The following TMEM132B variants were observed in gnomAD, a reference collection of about 807,000 sequenced individuals.
The protein encoded by TMEM132B is transmembrane protein 132B.
TMEM132B carries 18 observed loss-of-function variants against 90.8 expected under a neutral mutation model. That is an observed-to-expected ratio of 0.20 (90% CI 0.14 to 0.29). TMEM132B has a LOEUF of 0.29. Ranked by LOEUF, TMEM132B falls within the 10% of genes least tolerant of loss-of-function variation. The probability of loss-of-function intolerance (pLI) is 1.00; values close to 1 mark genes in which losing one functional copy is unlikely to be tolerated. For missense variants in TMEM132B, 1,096 were observed against 1,326.8 expected (o/e 0.83, Z 2.70); for synonymous variants, 504 against 523.3 (o/e 0.96, Z 0.50).
chr12:125,524,755 T>A (rs988130192), intron 4 of TMEM132B, among the ~76,000 whole-genome samples: 1 of 152,084 alleles, frequency 6.6e-6, no homozygotes, highest in Non-Finnish European at 1.5e-5. Context: ...TCAGGATGGA[T>A]GATGGTAGGT....
chr12:125,267,581 A>G (rs1485526118), intron 1 of TMEM132B, among the ~76,000 whole-genome samples: 2 of 152,272 alleles, frequency 1.3e-5, no homozygotes, highest in South Asian at 2.1e-4. Context: ...TCACACAGAA[A>G]TGTTTCTCTA....
rs1883622932 is a variant in TMEM132B at position 125,530,718 on chromosome 12, C to T, written c.1293+11093C>T. On this transcript the variant is annotated intron_variant, in intron 4 of 8. Transcript: ENST00000682704. Reference sequence around the variant, plus strand: ...GTGGCCACCTTGCCCTCATCTCTCCCTTTGTCATCACATAAGCTGTGTGTG... The same window carrying T: ...GTGGCCACCTTGCCCTCATCTCTCCTTTTGTCATCACATAAGCTGTGTGTG... Among the ~76,000 whole-genome samples the T allele has an allele frequency of 2.0e-5, 3 of 152,224 alleles. No individual in the cohort carries two copies. The South Asian group carries it at 6.2e-4, about 32-fold the overall frequency.
chr12:125,272,451 C>T (rs1286819487), intron 1 of TMEM132B, among the ~76,000 whole-genome samples: 1 of 152,196 alleles, frequency 6.6e-6, no homozygotes, highest in Non-Finnish European at 1.5e-5. Flanking sequence ...CAGCGATTGG[C>T]AAGAGGCAGG....
At chr12:125,580,520 G>C (rs1451219444) in intron 4 of TMEM132B, among the ~76,000 whole-genome samples, 1 of 152,186 alleles carries the variant, frequency 6.6e-6, no homozygotes, top group Non-Finnish European at 1.5e-5. Context: ...GTGGCTTCTA[G>C]ACTGCTGGTT....
At chr12:125,254,776 C>T (rs771539944) in intron 1 of TMEM132B, among the ~76,000 whole-genome samples, 8 of 151,718 alleles carry the variant, frequency 5.3e-5, no homozygotes, top group African/African-American at 7.3e-5. Flanking sequence ...CTCCGCCTCC[C>T]GAGTCCAAGT....
intron 1 of TMEM132B, among the ~76,000 whole-genome samples, chr12:125,288,164 G>A (rs1224039859): frequency 2.6e-5 from 4 of 151,492 alleles, no homozygotes; most frequent in Non-Finnish European, 4.4e-5. Flanking sequence ...GTGAGCCACT[G>A]CACCCGGCCT....
intron 2 of TMEM132B, among the ~76,000 whole-genome samples, chr12:125,384,147 A>T (rs1878762016): frequency 6.6e-6 from 1 of 152,164 alleles, no homozygotes; most frequent in Non-Finnish European, 1.5e-5. Flanking sequence ...GGGTTTCACC[A>T]TGTTGGTCAG....
At chr12:125,395,610 G>C (rs1367002589) in intron 2 of TMEM132B, among the ~76,000 whole-genome samples, 2 of 152,192 alleles carry the variant, frequency 1.3e-5, no homozygotes, top group African/African-American at 4.8e-5. Context: ...AACTTTGAGA[G>C]GGTTTTATCT....
rs575012967 is a variant in TMEM132B, at chr12:125,515,239, T to C, written c.1107-4200T>C. On this transcript the variant is annotated intron_variant, in intron 3 of 8. Coordinates refer to ENST00000682704, the MANE Select transcript of TMEM132B (RefSeq NM_001366854.1). ...ACGTTCACACATTCTCTCACACACATGCATTCTCACACACACACATTCATA... is the reference window on the plus strand; with the variant it reads ...ACGTTCACACATTCTCTCACACACACGCATTCTCACACACACACATTCATA... Among the ~76,000 whole-genome samples the C allele has an allele frequency of 4.1e-5, 6 of 146,136 alleles. No individual in the cohort carries two copies. The East Asian group carries it at 1.3e-3, about 31-fold the overall frequency.
intron 1 of TMEM132B, among the ~76,000 whole-genome samples, chr12:125,314,993 A>G (rs962183742): frequency 6.6e-6 from 1 of 152,182 alleles, no homozygotes; most frequent in African/African-American, 2.4e-5. Context: ...GTCCAGGTTT[A>G]TTTAGTGCTC....
chr12:125,296,479 C>T (rs535520731), intron 1 of TMEM132B, among the ~76,000 whole-genome samples: 2 of 152,336 alleles, frequency 1.3e-5, no homozygotes, highest in South Asian at 2.1e-4. Context: ...CCTTCCCGGA[C>T]CTCTCTGCTT....
rs150727537 is a variant in TMEM132B at position 125,401,220 on chromosome 12, C to T, written c.960-14311C>T. 4.7e-3 allele frequency among the ~76,000 whole-genome samples: 718 copies of T among 152,228 alleles called. 19 individuals are homozygous for T. The South Asian group carries it at 0.064, about 14-fold the overall frequency. On this transcript the variant is annotated intron_variant, in intron 2 of 8. Coordinates refer to ENST00000682704, the MANE Select transcript of TMEM132B (RefSeq NM_001366854.1). ...ACACCTTAGATAAAGACCCTTCATT[C>T]GACCAATATTGATTAAGCTCCTCCC...
intron 2 of TMEM132B, among the ~76,000 whole-genome samples, chr12:125,401,021 C>T (rs1593124115): frequency 6.6e-6 from 1 of 152,132 alleles, no homozygotes; most frequent in African/African-American, 2.4e-5. Context: ...AATCTCTGTG[C>T]CATGACAAGT....
At chr12:125,561,447 C>T (rs935345918) in intron 4 of TMEM132B, among the ~76,000 whole-genome samples, 1 of 152,094 alleles carries the variant, frequency 6.6e-6, no homozygotes, top group African/African-American at 2.4e-5. Context: ...CTACAGCAAA[C>T]CACCATGGCA....
intron 2 of TMEM132B, among the ~76,000 whole-genome samples, chr12:125,402,257 T>C (rs1376026463): frequency 6.6e-6 from 1 of 152,214 alleles, no homozygotes; most frequent in Non-Finnish European, 1.5e-5. Flanking sequence ...TGGCGTGATC[T>C]TGGCTCACTG....
chr12:125,384,932 A>C (rs920393288), intron 2 of TMEM132B, among the ~76,000 whole-genome samples: 5 of 152,200 alleles, frequency 3.3e-5, no homozygotes, highest in Admixed American at 3.3e-4. Context: ...GATTACAGGC[A>C]TGAGCCACCA....
At chr12:125,641,991 C>G (rs1446183894) in intron 5 of TMEM132B, among the ~76,000 whole-genome samples, 1 of 152,130 alleles carries the variant, frequency 6.6e-6, no homozygotes, top group Non-Finnish European at 1.5e-5. Context: ...CACAGGGGGC[C>G]TCAATCTCTT....
At chr12:125,433,295 G>A (rs562591911) in intron 3 of TMEM132B, among the ~76,000 whole-genome samples, 22 of 152,248 alleles carry the variant, frequency 1.4e-4, no homozygotes, top group African/African-American at 4.1e-4. Flanking sequence ...ATTGGCTGTG[G>A]AACGTCACGG....
chr12:125,266,887 G>A (rs976943216), intron 1 of TMEM132B, among the ~76,000 whole-genome samples: 2 of 152,148 alleles, frequency 1.3e-5, no homozygotes, highest in Non-Finnish European at 2.9e-5. Flanking sequence ...GTGTCCCATG[G>A]CACTCTGGGC....
Sources: allele counts gnomAD v4.1 joint callset (sites outside exome capture counted in the v4.1 genomes callset), GRCh38; gene constraint gnomAD v4.1.1; transcripts MANE v1.5; gene names NCBI Gene and HGNC (gene_info 2026-07-23, HGNC 2026-07-21).